The following SYT1 variants were observed in gnomAD, a reference collection of about 807,000 sequenced individuals.
The protein encoded by SYT1 is synaptotagmin-1.
A neutral mutation model predicts 44.8 loss-of-function variants in SYT1; 8 were observed. The ratio of observed to expected loss-of-function variants is 0.18; its 90% CI spans 0.10 to 0.32. SYT1 has a LOEUF of 0.32. Among genes scored for constraint, SYT1 ranks in the 10% least tolerant of loss-of-function variants. SYT1 has a pLI of 1.00. For missense variants in SYT1, 286 were observed against 509.3 expected, an observed-to-expected ratio of 0.56 and a Z score of 4.22; for synonymous variants, 154 against 188.8, an observed-to-expected ratio of 0.82 and a Z score of 1.51.
chr12:79,361,323 T>C (rs187415440), intron 9 of SYT1, among the ~76,000 whole-genome samples: 1 of 152,232 alleles, frequency 6.6e-6, no homozygotes, highest in East Asian at 1.9e-4. Context: ...TTACCCAAGG[T>C]CACAGGATTA....
intron 1 of SYT1, among the ~76,000 whole-genome samples, chr12:78,926,884 C>A (rs1449373381): frequency 1.3e-5 from 2 of 152,062 alleles, no homozygotes; most frequent in Admixed American, 1.3e-4. Flanking sequence ...AATTTTAATG[C>A]ACCTTTGGTA....
intron 1 of SYT1, among the ~76,000 whole-genome samples, chr12:78,910,993 G>T (rs1182106171): frequency 6.6e-6 from 1 of 151,972 alleles, no homozygotes; most frequent in Non-Finnish European, 1.5e-5. Flanking sequence ...GATCATGCAG[G>T]GCCTTTTAGA....
intron 2 of SYT1, among the ~76,000 whole-genome samples, chr12:79,013,916 A>C (rs1871598515): frequency 6.6e-6 from 1 of 152,048 alleles, no homozygotes. Context: ...TAATGAGATC[A>C]AGAGATTGAG....
intron 1 of SYT1, among the ~76,000 whole-genome samples, chr12:78,922,848 T>C (rs1261639902): frequency 6.6e-6 from 1 of 151,990 alleles, no homozygotes; most frequent in Non-Finnish European, 1.5e-5. Context: ...CCCCATGAAG[T>C]ACTATTACTG....
chr12:79,384,218 T>C (rs1053342464), intron 9 of SYT1, among the ~76,000 whole-genome samples: 1 of 152,184 alleles, frequency 6.6e-6, no homozygotes, highest in Non-Finnish European at 1.5e-5. Flanking sequence ...GATTCAAGTA[T>C]TGCTATTTGG....
At chr12:78,905,888 A>G (rs1875953726) in intron 1 of SYT1, among the ~76,000 whole-genome samples, 1 of 152,096 alleles carries the variant, frequency 6.6e-6, no homozygotes, top group Non-Finnish European at 1.5e-5. Context: ...TATGTGCTGC[A>G]GCATCAAGGA....
At chr12:79,122,498 A>G (rs1868290102) in intron 3 of SYT1, among the ~76,000 whole-genome samples, 1 of 115,422 alleles carries the variant, frequency 8.7e-6, no homozygotes, top group African/African-American at 3.6e-5. Context: ...TGGGCGACAG[A>G]GCGAGACTCC....
chr12:78,873,826 T>C (rs1873935596), intron 1 of SYT1, among the ~76,000 whole-genome samples: 1 of 151,690 alleles, frequency 6.6e-6, no homozygotes, highest in South Asian at 2.1e-4. Flanking sequence ...ACAATTATTA[T>C]TCAATTCAAA....
chr12:79,393,495 T>C (rs551049577), intron 9 of SYT1: 6 of 152,352 alleles, frequency 3.9e-5, no homozygotes, highest in Non-Finnish European at 5.9e-5. Context: ...ATGATTGCCA[T>C]TCTAACTGGC....
chr12:79,140,145 G>A (rs1407235439), intron 3 of SYT1, among the ~76,000 whole-genome samples: 2 of 152,172 alleles, frequency 1.3e-5, no homozygotes, highest in East Asian at 3.8e-4. Flanking sequence ...ATATAGCCAA[G>A]TTCTTGCTAT....
In SYT1 at chr12:79,168,844, C is replaced by T. The variant is rs61927317; in HGVS notation, c.-17-48659C>T. ...AACATTTTCTAATTTAACGAGGCCTCAGTGATAATAATCAACAGTCAAGTT... is the reference window on the plus strand; with the variant it reads ...AACATTTTCTAATTTAACGAGGCCTTAGTGATAATAATCAACAGTCAAGTT... On this transcript the variant is annotated intron_variant, in intron 3 of 10. Coordinates refer to ENST00000261205, the MANE Select transcript of SYT1 (RefSeq NM_005639.3). 8.4e-3 allele frequency among the ~76,000 whole-genome samples: 1,276 copies of T among 152,058 alleles called. 5 individuals carry two copies. The highest frequency in any genetic ancestry group is 0.013 in the Non-Finnish European group (851 of 67,950).
intron 9 of SYT1, among the ~76,000 whole-genome samples, chr12:79,395,881 A>C (rs1222113513): frequency 1.3e-5 from 2 of 152,216 alleles, no homozygotes; most frequent in African/African-American, 4.8e-5. Context: ...GTAAAGAACT[A>C]TCCAGATTTT....
rs115646805 is a variant in SYT1, at chr12:79,213,391, A to C, written c.-17-4112A>C. Among the ~76,000 whole-genome samples, 1,363 of 152,108 alleles carry C rather than the reference A, an allele frequency of 9.0e-3. 19 individuals are homozygous for C. Among genetic ancestry groups the C allele is most frequent in the African/African-American group, 0.031 (1,289 of 41,488 alleles). ...CTAAGACACCTTGGTTCAAATCCCA[A>C]CTCCATTAATTACTACTATATGACT... On this transcript the variant is annotated intron_variant, in intron 3 of 10. Coordinates refer to ENST00000261205, the MANE Select transcript of SYT1 (RefSeq NM_005639.3).
intron 4 of SYT1, among the ~76,000 whole-genome samples, chr12:79,276,955 GGAGGAGGAGGAGGAGGAA>G (rs986823724): frequency 1.4e-5 from 2 of 147,654 alleles, no homozygotes; most frequent in African/African-American, 5.0e-5. Flanking sequence ...GAAGGAAGAA[GGAGGAGGAGGAGGAGGAA>G]GAGGAGGAGG....
intron 1 of SYT1, among the ~76,000 whole-genome samples, chr12:78,887,384 C>T (rs775934787): frequency 5.3e-5 from 8 of 151,776 alleles, no homozygotes; most frequent in Non-Finnish European, 7.4e-5. Context: ...GCTGGCAATT[C>T]GGATATGCCA....
chr12:78,930,097 T>G (rs1177395718), intron 1 of SYT1, among the ~76,000 whole-genome samples: 1 of 152,188 alleles, frequency 6.6e-6, no homozygotes, highest in Admixed American at 6.5e-5. Context: ...AGTAATCTAT[T>G]GCACTGCATA....
intron 9 of SYT1, among the ~76,000 whole-genome samples, chr12:79,416,482 T>G (rs1010155385): frequency 4.0e-4 from 61 of 152,210 alleles, no homozygotes; most frequent in African/African-American, 1.3e-3. Context: ...AGGTTTATAT[T>G]CATATTATTG....
intron 1 of SYT1, among the ~76,000 whole-genome samples, chr12:78,950,338 A>G (rs1878895916): frequency 6.6e-6 from 1 of 152,078 alleles, no homozygotes; most frequent in Admixed American, 6.6e-5. Context: ...TCTTTTTAAT[A>G]CAGTAATATA....
intron 9 of SYT1, among the ~76,000 whole-genome samples, chr12:79,360,482 C>T (rs1037833348): frequency 6.6e-6 from 1 of 152,172 alleles, no homozygotes; most frequent in Non-Finnish European, 1.5e-5. Context: ...CAAAGAAAAA[C>T]ACTCCAAATT....
Sources: allele counts gnomAD v4.1 joint callset (sites outside exome capture counted in the v4.1 genomes callset), GRCh38; gene constraint gnomAD v4.1.1; transcripts MANE v1.5; gene names NCBI Gene and HGNC (gene_info 2026-07-23, HGNC 2026-07-21).